Variants in ZNF532 observed in about 807,000 individuals in gnomAD.
ZNF532 encodes the protein zinc finger protein 532.
ZNF532 carries 22 observed loss-of-function variants against 89.3 expected under a neutral mutation model. That is an observed-to-expected ratio of 0.25 (90% CI 0.18 to 0.35). ZNF532 has a LOEUF of 0.35. ZNF532 is among the 10% of genes least tolerant of loss of function. The probability of loss-of-function intolerance (pLI) is 1.00; values close to 1 mark genes in which losing one functional copy is unlikely to be tolerated. For missense variants in ZNF532, 1,132 were observed against 1,643.4 expected (o/e 0.69, Z 5.38); for synonymous variants, 606 against 649.6 (o/e 0.93, Z 1.02).
chr18:58,915,495 G>A (rs953883927), intron 2 of ZNF532, among the ~76,000 whole-genome samples: 1 of 152,206 alleles, frequency 6.6e-6, no homozygotes, highest in Non-Finnish European at 1.5e-5. Context: ...AACCCCTTGA[G>A]GGGTTTGCAG....
rs1450919884 is a variant in ZNF532 at position 58,888,761 on chromosome 18, A to ATATATAATTTATATATATATAATTAT, written c.-18+23182_-18+23183insTATATAATTTATATATATATAATTAT. On this transcript the variant is annotated intron_variant, in intron 2 of 9. Coordinates refer to ENST00000591808, the MANE Select transcript of ZNF532 (RefSeq NM_001375912.1). ...ATATATTTTATATATATATAAAATT[A>ATATATAATTTATATATATATAATTAT]ATATATATAATTTATATATATATAA... is the stretch of plus-strand genomic sequence containing the variant. 5.3e-4 allele frequency among the ~76,000 whole-genome samples: 5 copies of ATATATAATTTATATATATATAATTAT among 9,438 alleles called. 1 individual carries two copies. The highest frequency in any genetic ancestry group is 1.0e-3 in the African/African-American group (5 of 4,850). 6.2% of individuals were successfully genotyped at this position (9,438 alleles called of 152,430 possible).
At chr18:58,921,414 G>T (rs904892202) in intron 3 of ZNF532, among the ~76,000 whole-genome samples, 1 of 152,130 alleles carries the variant, frequency 6.6e-6, no homozygotes, top group Non-Finnish European at 1.5e-5. Context: ...TTATAATGCT[G>T]ATCTTACTTT....
intron 3 of ZNF532, 50 bp downstream of exon 3, chr18:58,920,683 G>T: frequency 6.7e-7 from 1 of 1,496,758 alleles, no homozygotes; most frequent in South Asian, 1.3e-5. Flanking sequence ...CTGTAGGCAT[G>T]AGTGCTTGAT....
rs567400770 is a variant in ZNF532, at chr18:58,883,598, G to A, written c.-18+18019G>A. ...TTCCAGTAGGATTAAGTATTGGTGG[G>A]AGGAGGATAGGGTGATATAGGGAAG... On this transcript the variant is annotated intron_variant, in intron 2 of 9. Coordinates refer to ENST00000591808, the MANE Select transcript of ZNF532 (RefSeq NM_001375912.1). Among the ~76,000 whole-genome samples the A allele has an allele frequency of 2.0e-5, 3 of 152,260 alleles. No homozygotes were observed. In the South Asian group the frequency reaches 6.2e-4, roughly 32 times the overall value.
At chr18:58,874,358 T>C (rs2057257811) in intron 2 of ZNF532, among the ~76,000 whole-genome samples, 1 of 152,216 alleles carries the variant, frequency 6.6e-6, no homozygotes, top group Non-Finnish European at 1.5e-5. Context: ...CTATTATTTT[T>C]TTTGAGAGAT....
At chr18:58,918,235 A>G in intron 2 of ZNF532, 36 bp from the exon 3 acceptor site, 1 of 1,557,728 alleles carries the variant, frequency 6.4e-7, no homozygotes, top group South Asian at 1.2e-5. Flanking sequence ...AGGAAATACC[A>G]ATTACTGATG....
chr18:58,880,019 G>A lies in ZNF532; in HGVS notation c.-18+14440G>A, dbSNP rs574918398. 2.6e-5 allele frequency among the ~76,000 whole-genome samples: 4 copies of A among 152,294 alleles called. No individual in the cohort carries two copies. In the South Asian group the frequency reaches 8.3e-4, roughly 32 times the overall value. On this transcript the variant is annotated intron_variant, in intron 2 of 9. Coordinates refer to ENST00000591808, the MANE Select transcript of ZNF532 (RefSeq NM_001375912.1). ...GACAGGATGAATACAAAAAAGGGAA[G>A]GATTGGATCCAAATAGAGGTTCTGA...
At chr18:58,873,667 C>CA (rs2057181938) in intron 2 of ZNF532, among the ~76,000 whole-genome samples, 1 of 152,030 alleles carries the variant, frequency 6.6e-6, no homozygotes, top group South Asian at 2.1e-4. Flanking sequence ...TCTCTATCTC[C>CA]TGACCTCAGG....
At position 58,920,430 on chromosome 18, in the gene ZNF532, A is replaced by G. The variant is rs376462671; in HGVS notation, c.2143A>G (p.Thr715Ala). The change falls in exon 3 of 10, where the codon ACT becomes GCT. Residue 715 changes from threonine (T) to alanine (A), a missense_variant. Physicochemically the swap from Thr to Ala is moderately conservative, Grantham distance 58 (BLOSUM62 0). Transcript: ENST00000591808. Reference protein sequence around the residue: ...LQSPVGAGTHTVTKIQSGITG... With the variant: ...LQSPVGAGTHAVTKIQSGITG... ...GAGCCCTGTGGGAGCTGGCACACAC[A>G]CTGTCACAAAAATTCAGTCTGGCAT... is the stretch of plus-strand genomic sequence containing the variant. 14 of 1,613,716 alleles carry G rather than the reference A, an allele frequency of 8.7e-6. No homozygotes were observed. Among genetic ancestry groups the G allele is most frequent in the East Asian group, 2.2e-5 (1 of 44,886 alleles).
chr18:58,959,260 G>GTTTT (rs1459830009), intron 7 of ZNF532, among the ~76,000 whole-genome samples: 2 of 128,710 alleles, frequency 1.6e-5, no homozygotes, highest in African/African-American at 6.6e-5. Flanking sequence ...TTTGTTTTTT[G>GTTTT]TTTTTTTTTG....
intron 5 of ZNF532, among the ~76,000 whole-genome samples, chr18:58,941,996 C>T (rs200986548): frequency 7.9e-6 from 1 of 126,870 alleles, no homozygotes; most frequent in East Asian, 2.4e-4. Flanking sequence ...CCTTCCCTTC[C>T]TTCCTTCCTT....
intron 2 of ZNF532, among the ~76,000 whole-genome samples, chr18:58,917,894 A>C (rs1255241455): frequency 1.3e-5 from 2 of 152,204 alleles, no homozygotes. Context: ...TGCCAGCAGA[A>C]TTAAATACTG....
chr18:58,920,583 G>A lies in ZNF532; in HGVS notation c.2296G>A (p.Glu766Lys), dbSNP rs1461386492. Reference protein sequence around the residue: ...CLECNEVFQDETSLATHFQQA... With the variant: ...CLECNEVFQDKTSLATHFQQA... ...GGAGTGTAATGAAGTCTTCCAGGAC[G>A]AGACATCACTGGCTACACATTTCCA... The change falls in exon 3 of 10, where the codon GAG (glutamate) becomes AAG (lysine). Residue 766 changes from glutamate (E) to lysine (K), a missense_variant. By Grantham distance (56) the Glu-to-Lys change is moderately conservative. Around this residue, in one of 9 missense-constraint regions of ZNF532, gnomAD observed 100 missense variants for 122.0 expected, o/e 0.82. Transcript: ENST00000591808. 1.2e-6 allele frequency: 2 copies of A among 1,606,256 alleles called. No homozygotes were observed. Among genetic ancestry groups the A allele is most frequent in the African/African-American group, 2.7e-5 (2 of 74,738 alleles).
intron 7 of ZNF532, among the ~76,000 whole-genome samples, chr18:58,966,870 CAAGGTT>C (rs2065976389): frequency 6.7e-6 from 1 of 149,954 alleles, no homozygotes; most frequent in African/African-American, 2.4e-5. Flanking sequence ...TTGCTATAAA[CAAGGTT>C]GAAGGGCTAT....
In ZNF532 at chr18:58,946,200, C is replaced by T. The variant is rs7236303; in HGVS notation, c.2706-1867C>T. On this transcript the variant is annotated intron_variant, in intron 5 of 9. Coordinates refer to ENST00000591808, the MANE Select transcript of ZNF532 (RefSeq NM_001375912.1). ...AAAAAATGTGATCATACCATACATT[C>T]TATCTTGTTATCTTCTGTTTTAATT... 3.4e-3 allele frequency among the ~76,000 whole-genome samples: 519 copies of T among 151,928 alleles called. 5 individuals are homozygous for T. Among genetic ancestry groups the T allele is most frequent in the African/African-American group, 0.012 (487 of 41,408 alleles).
At chr18:58,869,249 G>A (rs776759537) in intron 2 of ZNF532, among the ~76,000 whole-genome samples, 13 of 152,120 alleles carry the variant, frequency 8.5e-5, no homozygotes, top group Non-Finnish European at 1.5e-4. Context: ...AAGATCTAGC[G>A]TTGACAGCTG....
intron 2 of ZNF532, among the ~76,000 whole-genome samples, chr18:58,870,426 A>G (rs917956023): frequency 6.6e-6 from 1 of 152,198 alleles, no homozygotes; most frequent in African/African-American, 2.4e-5. Context: ...ATCTAAGTCC[A>G]TGCAGCACAC....
intron 2 of ZNF532, among the ~76,000 whole-genome samples, chr18:58,907,786 C>A (rs2060029541): frequency 6.6e-6 from 1 of 152,124 alleles, no homozygotes; most frequent in Non-Finnish European, 1.5e-5. Flanking sequence ...TCACTCCCAG[C>A]CAGTGAGTTC....
intron 2 of ZNF532, among the ~76,000 whole-genome samples, chr18:58,906,519 A>G (rs1251550776): frequency 1.3e-5 from 2 of 151,986 alleles, no homozygotes; most frequent in Non-Finnish European, 2.9e-5. Context: ...CCATTCCTAG[A>G]TCGGTCATTT....
Sources: allele counts gnomAD v4.1 joint callset (sites outside exome capture counted in the v4.1 genomes callset), GRCh38; gene constraint gnomAD v4.1.1; regional missense constraint gnomAD v4.1.1; transcripts MANE v1.5; gene names NCBI Gene and HGNC (gene_info 2026-07-23, HGNC 2026-07-21).